PSMD14: variants seen among roughly 807,000 people sequenced by gnomAD.
PSMD14 encodes the protein ubiquitin C-terminal hydrolase PSMD14.
A neutral mutation model predicts 41.2 loss-of-function variants in PSMD14; 7 were observed. That is an observed-to-expected ratio of 0.17 (90% CI 0.10 to 0.32). The LOEUF is 0.32. Ranked by LOEUF, PSMD14 falls within the 10% of genes least tolerant of loss-of-function variation. The pLI is 1.00. For missense variants in PSMD14, 139 were observed against 375.6 expected, an observed-to-expected ratio of 0.37 and a Z score of 5.21; for synonymous variants, 114 against 122.3, an observed-to-expected ratio of 0.93 and a Z score of 0.45.
intron 10 of PSMD14, among the ~76,000 whole-genome samples, chr2:161,398,223 G>A (rs1005565555): frequency 3.9e-5 from 6 of 152,004 alleles, no homozygotes; most frequent in African/African-American, 7.2e-5. Context: ...AAAGAAATAC[G>A]GTGGGTTTTT....
At chr2:161,394,563 T>C (rs927023531) in intron 9 of PSMD14, among the ~76,000 whole-genome samples, 1 of 152,214 alleles carries the variant, frequency 6.6e-6, no homozygotes, top group Non-Finnish European at 1.5e-5. Flanking sequence ...TCATCAGATA[T>C]TTATTGAGCT....
At chr2:161,389,302 G>C (rs1683674961) in intron 8 of PSMD14, among the ~76,000 whole-genome samples, 1 of 152,176 alleles carries the variant, frequency 6.6e-6, no homozygotes, top group African/African-American at 2.4e-5. Flanking sequence ...GGAGCTTCCA[G>C]CTCAAGCTCC....
At chr2:161,405,737 A>G (rs985022510) in intron 10 of PSMD14, among the ~76,000 whole-genome samples, 4 of 152,212 alleles carry the variant, frequency 2.6e-5, no homozygotes, top group Non-Finnish European at 2.9e-5. Flanking sequence ...AAATTAGTAT[A>G]TGCCATTTTA....
chr2:161,398,483 C>T (rs928199069), intron 10 of PSMD14, among the ~76,000 whole-genome samples: 5 of 152,042 alleles, frequency 3.3e-5, no homozygotes, highest in East Asian at 1.9e-4. Flanking sequence ...ACCACAACAC[C>T]CACAGTTCTG....
chr2:161,373,771 A>G lies in PSMD14; in HGVS notation c.462+2449A>G, dbSNP rs144057356. Among the ~76,000 whole-genome samples the G allele has an allele frequency of 5.4e-3, 815 of 151,958 alleles. 2 individuals carry two copies. Among genetic ancestry groups the G allele is most frequent in the Non-Finnish European group, 9.6e-3 (650 of 67,882 alleles). Reference sequence around the variant, plus strand: ...TATTTCCATTTTTATAAATTCCAATATTTCTGTCTTTGAGAAATTAGATAA... The same window carrying G: ...TATTTCCATTTTTATAAATTCCAATGTTTCTGTCTTTGAGAAATTAGATAA... On this transcript the variant is annotated intron_variant, in intron 7 of 11. Transcript: ENST00000409682.
chr2:161,392,942 T>G (rs1281099537), intron 9 of PSMD14, among the ~76,000 whole-genome samples: 1 of 152,174 alleles, frequency 6.6e-6, no homozygotes, highest in Non-Finnish European at 1.5e-5. Flanking sequence ...TTTCTTTTTT[T>G]TTGGGGAGTA....
chr2:161,382,759 G>C (rs1476751730), intron 7 of PSMD14: 2 of 151,720 alleles, frequency 1.3e-5, no homozygotes, highest in African/African-American at 4.8e-5. Context: ...TTTTGGTTAA[G>C]TTACTGTTTG....
intron 7 of PSMD14, among the ~76,000 whole-genome samples, chr2:161,374,685 C>T (rs1186668198): frequency 6.6e-6 from 1 of 151,920 alleles, no homozygotes; most frequent in Non-Finnish European, 1.5e-5. Context: ...CAGTGGGGAC[C>T]TCCTGCTGAA....
At chr2:161,341,107 G>A (rs1300384205) in intron 3 of PSMD14, 12 of 1,442,904 alleles carry the variant, frequency 8.3e-6, no homozygotes, top group Admixed American at 5.0e-5. Context: ...GGCTCTCCAG[G>A]CTCCTCCGGC....
intron 3 of PSMD14, among the ~76,000 whole-genome samples, chr2:161,345,257 T>G (rs1364188643): frequency 6.8e-6 from 1 of 146,946 alleles, no homozygotes; most frequent in Non-Finnish European, 1.5e-5. Context: ...TTTTTTTTTT[T>G]TTTGAGACAG....
intron 7 of PSMD14, among the ~76,000 whole-genome samples, chr2:161,375,173 A>G (rs1439218457): frequency 1.3e-5 from 2 of 152,004 alleles, no homozygotes; most frequent in Non-Finnish European, 2.9e-5. Flanking sequence ...TAATGATTCT[A>G]AGATGCAAAA....
chr2:161,366,681 T>C (rs1012208433), intron 3 of PSMD14, among the ~76,000 whole-genome samples: 4 of 152,160 alleles, frequency 2.6e-5, no homozygotes, highest in Non-Finnish European at 5.9e-5. Context: ...TTAGGTGCAC[T>C]AATTGTGGGG....
chr2:161,335,040 C>A (rs1348803433), intron 3 of PSMD14, among the ~76,000 whole-genome samples: 1 of 152,248 alleles, frequency 6.6e-6, no homozygotes, highest in African/African-American at 2.4e-5. Flanking sequence ...TAACCTCTAC[C>A]ATGCCTCAGA....
chr2:161,371,331 G>A lies in PSMD14; in HGVS notation c.462+9G>A, dbSNP rs746422626. 1 of 1,602,062 alleles carries A rather than the reference G, an allele frequency of 6.2e-7. No homozygotes were observed. Among genetic ancestry groups the A allele is most frequent in the Non-Finnish European group, 8.5e-7 (1 of 1,173,196 alleles). ...AGAGTGTAAAAGGAAAGGTAGAGTA[G>A]ATTCTATCTTTATTGCCATCTACTG... On this transcript the variant is annotated intron_variant, in intron 7 of 11. Transcript: ENST00000409682.
intron 7 of PSMD14, among the ~76,000 whole-genome samples, chr2:161,380,439 A>C (rs1177552053): frequency 6.6e-6 from 1 of 152,070 alleles, no homozygotes; most frequent in Non-Finnish European, 1.5e-5. Flanking sequence ...ATATACGTTC[A>C]AAACTTGTGG....
chr2:161,361,400 A>G (rs1353150589), intron 3 of PSMD14, among the ~76,000 whole-genome samples: 1 of 152,176 alleles, frequency 6.6e-6, no homozygotes, highest in African/African-American at 2.4e-5. Context: ...GCCACAGAAC[A>G]GCCTCAGAGC....
chr2:161,396,092 T>C (rs1201446574), intron 10 of PSMD14, among the ~76,000 whole-genome samples: 1 of 152,178 alleles, frequency 6.6e-6, no homozygotes, highest in African/African-American at 2.4e-5. Context: ...GCTCATAGGC[T>C]CTGACTTTCA....
rs572037084 is a variant in PSMD14, at chr2:161,310,328, A to G, written c.-138+1724A>G. Among the ~76,000 whole-genome samples the G allele has an allele frequency of 5.9e-5, 9 of 152,332 alleles. No individual in the cohort carries two copies. In the East Asian group the frequency reaches 1.5e-3, roughly 26 times the overall value. The stretch of plus-strand genomic sequence containing the variant: ...TCTTAGAAGTGGAAGAGATTAATCT[A>G]GTCCTCTTATTTCAGTAACAAGAAG... On this transcript the variant is annotated intron_variant, in intron 1 of 11. Coordinates refer to ENST00000409682, the MANE Select transcript of PSMD14 (RefSeq NM_005805.6).
At chr2:161,372,892 A>G (rs1683456331) in intron 7 of PSMD14, among the ~76,000 whole-genome samples, 1 of 151,908 alleles carries the variant, frequency 6.6e-6, no homozygotes, top group Non-Finnish European at 1.5e-5. Context: ...TTAGAATTCT[A>G]TTTTGTAGTA....
Sources: allele counts gnomAD v4.1 joint callset (sites outside exome capture counted in the v4.1 genomes callset), GRCh38; gene constraint gnomAD v4.1.1; transcripts MANE v1.5; gene names NCBI Gene and HGNC (gene_info 2026-07-23, HGNC 2026-07-21).